Variants in CAPN8 observed in about 807,000 individuals in gnomAD.
The protein encoded by CAPN8 is calpain 8, also known as calpain-8.
A neutral mutation model predicts 80.9 loss-of-function variants in CAPN8; 87 were observed. That is an observed-to-expected ratio of 1.07 (90% CI 0.90 to 1.28). CAPN8 has a LOEUF of 1.28. CAPN8 is among the 50% of genes most tolerant of loss of function. The probability of loss-of-function intolerance (pLI) is 0.00; values close to 1 mark genes in which losing one functional copy is unlikely to be tolerated. For missense variants in CAPN8, 757 were observed against 702.0 expected (o/e 1.08, Z -0.89); for synonymous variants, 299 against 273.8 (o/e 1.09, Z -0.91).
intron 5 of CAPN8, 118 bp downstream of exon 5, chr1:223,626,871 A>G (rs964858328): frequency 2.8e-6 from 3 of 1,064,846 alleles, no homozygotes; most frequent in Non-Finnish European, 4.0e-6. Context: ...ACTAAGCTCC[A>G]GACTCTGCTC....
chr1:223,548,467 G>A (rs932336346), intron 16 of CAPN8, among the ~76,000 whole-genome samples: 3 of 152,152 alleles, frequency 2.0e-5, no homozygotes, highest in African/African-American at 7.2e-5. Context: ...CAATCCTCAT[G>A]TGAGGATATT....
rs984635920 is a variant in CAPN8, at chr1:223,544,787, C to A, written c.1897G>T (p.Ala633Ser). 2 of 1,551,748 alleles carry A rather than the reference C, an allele frequency of 1.3e-6. No homozygotes were observed. The highest frequency in any genetic ancestry group is 1.4e-5 in the African/African-American group (1 of 73,180). ...GTGTCCTCACCTGCCTTCCTGAGGG[C>A]TGTCCTCATCTCGTGGGCATCGATG... is the stretch of plus-strand genomic sequence containing the variant. ...GTIDAHEMRTALRKAGFTLNS... is the reference protein window; with the variant it reads ...GTIDAHEMRTSLRKAGFTLNS... Residue 633 changes from alanine to serine, a missense_variant, in exon 18 of 21, where the codon GCC (alanine) becomes TCC (serine). Physicochemically the swap from Ala to Ser is moderately conservative, Grantham distance 99. Coordinates refer to ENST00000366872, the MANE Select transcript of CAPN8 (RefSeq NM_001143962.2).
chr1:223,615,979 G>C lies in CAPN8; in HGVS notation c.1302C>G (p.Ala434=). The C allele has an allele frequency of 6.4e-7, 1 of 1,552,152 alleles. No individual in the cohort carries two copies. The highest frequency in any genetic ancestry group is 2.4e-5 in the East Asian group (1 of 40,922). The change falls in exon 10 of 21, where the codon GCC becomes GCG. Residue 434 remains alanine (A), a synonymous_variant. Coordinates refer to ENST00000366872, the MANE Select transcript of CAPN8 (RefSeq NM_001143962.2). The part of the protein sequence containing the change: ...IGQGMLSIGY[A]VYQVPKELES... ...CCCAGCACAGCAGTACCTGGTAGAC[G>C]GCATAGCCGATGCTAAGCATGCCTT... is the stretch of plus-strand genomic sequence containing the variant.
At chr1:223,643,825 G>C (rs1658109834) in intron 2 of CAPN8, among the ~76,000 whole-genome samples, 1 of 152,176 alleles carries the variant, frequency 6.6e-6, no homozygotes, top group Non-Finnish European at 1.5e-5. Flanking sequence ...GCCCGGTGGG[G>C]GCTTGATGTA....
chr1:223,615,784 G>T (rs1279933320), intron 10 of CAPN8, 186 bp downstream of exon 10: 3 of 725,196 alleles, frequency 4.1e-6, no homozygotes, highest in Non-Finnish European at 7.4e-6. Flanking sequence ...TAAGCCATAG[G>T]AATGAATCTC....
rs1273424322 is a variant in CAPN8, at chr1:223,558,112, A to G, written c.1572+19T>C. The G allele has an allele frequency of 2.5e-6, 1 of 398,524 alleles. No homozygotes were observed. Among genetic ancestry groups the G allele is most frequent in the Non-Finnish European group, 4.4e-6 (1 of 226,056 alleles). 24.7% of individuals were successfully genotyped at this position (398,524 alleles called of 1,614,324 possible). On this transcript the variant is annotated intron_variant, in intron 13 of 20. Coordinates refer to ENST00000366872, the MANE Select transcript of CAPN8 (RefSeq NM_001143962.2). Reference sequence around the variant, plus strand: ...CTATGCAACAGTGTCAGAGTTTGGCATACAAAAAGATTGCATACCTCATAT... The same window carrying G: ...CTATGCAACAGTGTCAGAGTTTGGCGTACAAAAAGATTGCATACCTCATAT...
At chr1:223,627,791 A>G (rs1657634519) in intron 4 of CAPN8, among the ~76,000 whole-genome samples, 1 of 152,276 alleles carries the variant, frequency 6.6e-6, no homozygotes, top group Non-Finnish European at 1.5e-5. Flanking sequence ...CCACATACAC[A>G]TTCACCCGAG....
chr1:223,545,051 T>G (rs1465906751), intron 17 of CAPN8, 180 bp downstream of exon 17: 11 of 1,392,628 alleles, frequency 7.9e-6, no homozygotes, highest in Non-Finnish European at 1.1e-5. Flanking sequence ...AGCAGGGCTT[T>G]CAGGGCAGTG....
At chr1:223,546,703 T>C (rs902041913) in intron 16 of CAPN8, among the ~76,000 whole-genome samples, 1 of 152,170 alleles carries the variant, frequency 6.6e-6, no homozygotes, top group Non-Finnish European at 1.5e-5. Context: ...GTTCAGAGCA[T>C]TTAGTAACTT....
At chr1:223,658,226 C>T (rs1240304386) in intron 1 of CAPN8, among the ~76,000 whole-genome samples, 1 of 152,170 alleles carries the variant, frequency 6.6e-6, no homozygotes, top group Non-Finnish European at 1.5e-5. Flanking sequence ...ACCTGTGTCA[C>T]ATTGCTCATT....
At chr1:223,548,705 T>C (rs1656698267) in intron 16 of CAPN8, among the ~76,000 whole-genome samples, 1 of 152,148 alleles carries the variant, frequency 6.6e-6, no homozygotes, top group East Asian at 1.9e-4. Context: ...AAGAAATAAA[T>C]TTCTGTTGTT....
intron 2 of CAPN8, among the ~76,000 whole-genome samples, chr1:223,648,351 A>G (rs1473044652): frequency 2.0e-5 from 3 of 152,238 alleles, no homozygotes; most frequent in African/African-American, 7.2e-5. Context: ...TGTGCTCTCC[A>G]TAATCAATGA....
chr1:223,638,770 A>G (rs56023421), intron 2 of CAPN8, among the ~76,000 whole-genome samples: 8,339 of 152,274 alleles, frequency 0.055, 292 homozygotes, highest in Non-Finnish European at 0.07. Flanking sequence ...ATGAGTCCCT[A>G]TGCTGGGGCC....
intron 16 of CAPN8, among the ~76,000 whole-genome samples, chr1:223,546,863 C>G (rs1656634927): frequency 6.6e-6 from 1 of 151,512 alleles, no homozygotes; most frequent in African/African-American, 2.4e-5. Flanking sequence ...CTCCAGGAAT[C>G]AGGGGTTTTT....
At chr1:223,625,022 GGC>G (rs1657522294) in intron 6 of CAPN8, among the ~76,000 whole-genome samples, 3 of 152,206 alleles carry the variant, frequency 2.0e-5, no homozygotes, top group Non-Finnish European at 4.4e-5. Context: ...GAACCCGAGA[GGC>G]GGAGCTTGCA....
intron 6 of CAPN8, among the ~76,000 whole-genome samples, chr1:223,624,359 G>A (rs1657501768): frequency 6.6e-6 from 1 of 152,168 alleles, no homozygotes; most frequent in African/African-American, 2.4e-5. Context: ...TCTTCAGCGT[G>A]GATTGATGTA....
Position 223,541,873 on chromosome 1 carries a change from G to A in CAPN8, c.2089-14C>T, listed in dbSNP as rs777945611. On this transcript the variant is annotated splice_polypyrimidine_tract_variant and intron_variant, in intron 20 of 20. Transcript: ENST00000366872. ...GCAGCACAGCCACTGCAAAGGAAAG[G>A]GACAAGATTGAGTCTTGGCTTCTCA... is the stretch of plus-strand genomic sequence containing the variant. The A allele has an allele frequency of 2.6e-6, 4 of 1,513,794 alleles. No individual in the cohort carries two copies. The highest frequency in any genetic ancestry group is 3.5e-6 in the Non-Finnish European group (4 of 1,134,484). 93.8% of individuals were successfully genotyped at this position (1,513,794 alleles called of 1,614,324 possible).
intron 2 of CAPN8, among the ~76,000 whole-genome samples, chr1:223,643,772 G>A (rs12406800): frequency 5.9e-5 from 9 of 152,286 alleles, no homozygotes; most frequent in Admixed American, 3.3e-4. Flanking sequence ...GGTGAAAGCC[G>A]ACTGGCATGC....
chr1:223,623,505 G>T (rs1241280064), intron 6 of CAPN8, among the ~76,000 whole-genome samples: 1 of 152,150 alleles, frequency 6.6e-6, no homozygotes. Flanking sequence ...CACATATACT[G>T]CTTTCCCCTA....
Sources: allele counts gnomAD v4.1 joint callset (sites outside exome capture counted in the v4.1 genomes callset), GRCh38; gene constraint gnomAD v4.1.1; transcripts MANE v1.5; gene names NCBI Gene and HGNC (gene_info 2026-07-23, HGNC 2026-07-21).